Variants in ARL10 observed in about 807,000 individuals in gnomAD.
The protein encoded by ARL10 is ADP-ribosylation factor-like protein 10.
A neutral mutation model predicts 26.1 loss-of-function variants in ARL10; 23 were observed. The observed-to-expected ratio is 0.88, with a 90% confidence interval of 0.63 to 1.25. The LOEUF (loss-of-function observed/expected upper bound fraction) is 1.25, where lower values mean the gene tolerates loss of function less well. Ranked by LOEUF, ARL10 falls within the 50% of genes most tolerant of loss-of-function variation. The probability of loss-of-function intolerance (pLI) is 0.00; values close to 1 mark genes in which losing one functional copy is unlikely to be tolerated. For missense variants in ARL10, 300 were observed against 323.6 expected (o/e 0.93, Z 0.56); for synonymous variants, 138 against 149.1 (o/e 0.93, Z 0.54).
chr5:176,371,995 AT>A lies in ARL10; in HGVS notation c.*103del. On this transcript the variant is annotated 3_prime_UTR_variant, in exon 4 of 4. Coordinates refer to ENST00000310389, the MANE Select transcript of ARL10 (RefSeq NM_173664.6). The stretch of plus-strand genomic sequence containing the variant: ...CCTGGGGCAAGAGCCACATGGCAGC[AT>A]TTCCCTTTTCCCCTCCTTTGCCTTT... 1 of 1,490,932 alleles carries A rather than the reference AT, an allele frequency of 6.7e-7. No homozygotes were observed. The highest frequency in any genetic ancestry group is 1.4e-5 in the African/African-American group (1 of 71,484). The allele number at this position is 1,490,932 out of a possible 1,614,324, so 92.4% of individuals were successfully genotyped here. A position where few individuals can be genotyped will look rare whatever the true frequency, so the allele number is the denominator to read the frequency against.
the ARL10 span, among the ~76,000 whole-genome samples, chr5:176,408,547 A>C: frequency 6.6e-6 from 1 of 151,998 alleles, no homozygotes; most frequent in Non-Finnish European, 1.5e-5. Flanking sequence ...AGGAAAAAAA[A>C]AAAAAAAAGA....
intron 3 of ARL10, chr5:176,369,267 C>G (rs1272637146): frequency 7.7e-7 from 1 of 1,301,890 alleles, no homozygotes; most frequent in South Asian, 1.3e-5. Flanking sequence ...GAGTCTTGTT[C>G]TGTCGCCCAG....
At chr5:176,367,002 C>CTTTTTTT (rs67066126) in intron 2 of ARL10, among the ~76,000 whole-genome samples, 11 of 106,536 alleles carry the variant, frequency 1.0e-4, no homozygotes, top group African/African-American at 3.2e-4. Flanking sequence ...CCTTTCTAGT[C>CTTTTTTT]TTTTTTTTTT....
intron 1 of ARL10, among the ~76,000 whole-genome samples, chr5:176,394,826 AAAG>A (rs1756440119): frequency 6.6e-6 from 1 of 152,004 alleles, no homozygotes. Context: ...AAAAAAAAAA[AAAG>A]TTTGAGAAGC....
the ARL10 span, chr5:176,410,225 C>G: frequency 3.7e-6 from 6 of 1,607,930 alleles, no homozygotes; most frequent in Non-Finnish European, 5.1e-6. Flanking sequence ...GGCTGTTGGT[C>G]CTTACCACTG....
chr5:176,389,024 G>A (rs955449148), downstream of ARL10: 12 of 1,602,640 alleles, frequency 7.5e-6, no homozygotes, highest in Non-Finnish European at 9.4e-6. Context: ...GATGTCGGAG[G>A]GAAGGAAGTA....
downstream of ARL10, among the ~76,000 whole-genome samples, chr5:176,385,773 C>A (rs1345764178): frequency 1.3e-5 from 2 of 152,152 alleles, no homozygotes; most frequent in African/African-American, 4.8e-5. Flanking sequence ...AGATCTAGAG[C>A]TGCCGGGTCT....
rs1441421618 is a variant in ARL10, at chr5:176,375,639, G to A, written c.*3744G>A. 6.6e-6 allele frequency: 1 copy of A among 152,166 alleles called. No individual in the cohort carries two copies. The highest frequency in any genetic ancestry group is 1.5e-5 in the Non-Finnish European group (1 of 68,038). 9.4% of individuals were successfully genotyped at this position (152,166 alleles called of 1,614,324 possible). On this transcript the variant is annotated 3_prime_UTR_variant, in exon 4 of 4. Coordinates refer to ENST00000310389, the MANE Select transcript of ARL10 (RefSeq NM_173664.6). ...AACAGCAAGATCTGAAGTCAGGACA[G>A]AGTAAGCAAATTATCCACAGACCTA...
chr5:176,408,448 A>G, the ARL10 span, among the ~76,000 whole-genome samples: 2 of 151,932 alleles, frequency 1.3e-5, no homozygotes, highest in East Asian at 3.9e-4. Flanking sequence ...AGGCAGGAGA[A>G]TCACTTGAAC....
chr5:176,400,043 T>C (rs1006165168), intron 1 of ARL10, among the ~76,000 whole-genome samples: 2 of 151,610 alleles, frequency 1.3e-5, no homozygotes. Flanking sequence ...AACACAAAAT[T>C]AGCTGGGTGT....
chr5:176,392,914 T>C, downstream of ARL10: 1 of 1,614,156 alleles, frequency 6.2e-7, no homozygotes, highest in Non-Finnish European at 8.5e-7. This position sits in a 1 kb window ranked among gnomAD's most constrained non-coding sequence, Gnocchi z 5.2. Context: ...GTCTCCTCCT[T>C]GGATTCCTTC....
chr5:176,414,697 C>T, the ARL10 span, among the ~76,000 whole-genome samples: 1 of 152,140 alleles, frequency 6.6e-6, no homozygotes, highest in East Asian at 1.9e-4. Context: ...AGTTGGGAGG[C>T]GTGGGATCAA....
chr5:176,388,726 A>C, downstream of ARL10: 1 of 1,528,342 alleles, frequency 6.5e-7, no homozygotes, highest in Non-Finnish European at 8.8e-7. Flanking sequence ...CCTGCGTACA[A>C]GGCTCAATTT....
At chr5:176,413,527 C>G in the ARL10 span, among the ~76,000 whole-genome samples, 3 of 152,260 alleles carry the variant, frequency 2.0e-5, no homozygotes, top group Admixed American at 2.0e-4. Context: ...CCAGATACCT[C>G]TTTCCCCAGG....
At chr5:176,385,198 C>T (rs375826402), downstream of ARL10, 1 of 1,425,488 alleles carries the variant, frequency 7.0e-7, no homozygotes, top group Non-Finnish European at 9.9e-7. Context: ...TCCCAGCCAG[C>T]CCACGGGGCC....
downstream of ARL10, chr5:176,388,764 T>C: frequency 6.3e-7 from 1 of 1,590,286 alleles, no homozygotes; most frequent in Non-Finnish European, 8.5e-7. Flanking sequence ...TTTCATGACC[T>C]TCACCGGGAG....
chr5:176,389,261 G>A, downstream of ARL10: 3 of 1,522,750 alleles, frequency 2.0e-6, no homozygotes, highest in Non-Finnish European at 2.7e-6. Flanking sequence ...TTGGGGAAGC[G>A]AGACCCAAAG....
chr5:176,405,521 G>GAAAAAT (rs1757064728), downstream of ARL10: 2 of 146,516 alleles, frequency 1.4e-5, no homozygotes, highest in African/African-American at 5.0e-5. Context: ...AAAAGAAAAA[G>GAAAAAT]AAAAAGAAAA....
chr5:176,387,072 CTCTCTCTTT>C (rs1755908441), intron 1 of ARL10: 2 of 591,368 alleles, frequency 3.4e-6, no homozygotes, highest in Non-Finnish European at 6.0e-6. Flanking sequence ...TTTTCTCTCT[CTCTCTCTTT>C]TTTTTTTTCT....
Sources: allele counts gnomAD v4.1 joint callset (sites outside exome capture counted in the v4.1 genomes callset), GRCh38; gene constraint gnomAD v4.1.1; non-coding constraint Gnocchi (gnomAD v3.1); transcripts MANE v1.5; gene names NCBI Gene and HGNC (gene_info 2026-07-23, HGNC 2026-07-21).